The following GAGE10 variants were observed in gnomAD, a reference collection of about 807,000 sequenced individuals.
GAGE10 encodes G antigen 10.
A neutral mutation model predicts 11.5 loss-of-function variants in GAGE10; 9 were observed. The observed-to-expected ratio is 0.78, with a 90% CI of 0.47 to 1.37. The LOEUF (loss-of-function observed/expected upper bound fraction) is 1.37. Ranked by LOEUF, GAGE10 falls within the 40% of genes most tolerant of loss-of-function variation. The probability of loss-of-function intolerance (pLI) is 0.00; values close to 1 mark genes in which losing one functional copy is unlikely to be tolerated. For synonymous variants in GAGE10, 23 were observed against 29.7 expected, an observed-to-expected ratio of 0.77 and a Z score of 0.73; for missense variants, 83 against 92.9, an observed-to-expected ratio of 0.89 and a Z score of 0.44.
At chrX:49,307,440 A>G (rs2066361308) in intron 3 of GAGE10, among the ~76,000 whole-genome samples, 1 of 110,179 alleles carries the variant, frequency 9.1e-6, no homozygotes, top group African/African-American at 3.3e-5. Context: ...GTGTATACTC[A>G]AATTTCGCCA....
intron 2 of GAGE10, 124 bp downstream of exon 2, chrX:49,305,064 G>A (rs1196615386): frequency 1.8e-4 from 175 of 996,233 alleles, no homozygotes; most frequent in African/African-American, 4.0e-4. Context: ...TGATGATGGC[G>A]TCTCATGAAG....
At chrX:49,310,180 A>G (rs1375400503) in intron 3 of GAGE10, among the ~76,000 whole-genome samples, 4 of 111,897 alleles carry the variant, frequency 3.6e-5, no homozygotes, top group African/African-American at 1.3e-4. Flanking sequence ...AGTCAGGGCC[A>G]AGGAGATATT....
At chrX:49,317,890 T>G (rs1395776748) in intron 4 of GAGE10, among the ~76,000 whole-genome samples, 2 of 78,123 alleles carry the variant, frequency 2.6e-5, no homozygotes, top group African/African-American at 9.5e-5. Context: ...ACATAACACG[T>G]TTGTAACACC....
At chrX:49,310,478 A>T (rs782222451) in intron 3 of GAGE10, among the ~76,000 whole-genome samples, 4 of 111,651 alleles carry the variant, frequency 3.6e-5, no homozygotes, top group Non-Finnish European at 7.5e-5. Context: ...GTGCAAAAGG[A>T]AAGGACACTA....
chrX:49,311,775 G>A (rs1483357317), intron 3 of GAGE10, among the ~76,000 whole-genome samples: 2 of 111,921 alleles, frequency 1.8e-5, no homozygotes, highest in African/African-American at 3.2e-5. Context: ...GACATTGGCC[G>A]GTAGCATACT....
intron 4 of GAGE10, among the ~76,000 whole-genome samples, chrX:49,319,506 A>G (rs2066408034): frequency 8.7e-6 from 1 of 114,837 alleles, no homozygotes; most frequent in Non-Finnish European, 1.9e-5. Context: ...ACTTGAAAGG[A>G]AGCACTTGAT....
Position 49,317,193 on chromosome X carries a change from A to G in GAGE10, c.233A>G (p.Gln78Arg). 8.3e-7 allele frequency: 1 copy of G among 1,206,721 alleles called. No homozygotes were observed. Among genetic ancestry groups the G allele is most frequent in the Non-Finnish European group, 1.1e-6 (1 of 892,032 alleles). Reference protein sequence around the residue: ...GPKPEADSQEQVHPKTGCECG... With the variant: ...GPKPEADSQERVHPKTGCECG... ...AAGCCTGAAGCTGATAGCCAGGAACAGGTTCACCCAAAGACTGGGTGTGAG... is the reference window on the plus strand; with the variant it reads ...AAGCCTGAAGCTGATAGCCAGGAACGGGTTCACCCAAAGACTGGGTGTGAG... Residue 78 changes from glutamine (Q) to arginine (R), a missense_variant, in exon 4 of 5, where the codon CAG (glutamine) becomes CGG (arginine). Around this residue, in one of 3 missense-constraint regions of GAGE10, gnomAD observed 66 missense variants for 35.4 expected, o/e 1.87. Coordinates refer to ENST00000407599, the MANE Select transcript of GAGE10 (RefSeq NM_001098413.4).
intron 3 of GAGE10, among the ~76,000 whole-genome samples, chrX:49,316,616 T>C (rs1557125263): frequency 8.9e-6 from 1 of 112,196 alleles, no homozygotes; most frequent in African/African-American, 3.2e-5. Context: ...CAGGATCACA[T>C]CTTGCATGTG....
rs782122141 is a variant in GAGE10, at chrX:49,305,454, A to G, written c.132A>G (p.Glu44=). The change falls in exon 3 of 5, where the codon GAA becomes GAG. Residue 44 remains glutamate, a synonymous_variant. Transcript: ENST00000407599. ...EVEPATPEEG[E]PATQRQDPAA... is the part of the protein sequence containing the mutation. ...AACCAGCAACACCTGAAGAAGGGGAACCAGCAACTCAACGTCAGGATCCTG... is the reference window on the plus strand; with the variant it reads ...AACCAGCAACACCTGAAGAAGGGGAGCCAGCAACTCAACGTCAGGATCCTG... The G allele has an allele frequency of 8.5e-7, 1 of 1,180,733 alleles. No individual in the cohort carries two copies. Among genetic ancestry groups the G allele is most frequent in the Admixed American group, 2.3e-5 (1 of 44,373 alleles).
intron 3 of GAGE10, among the ~76,000 whole-genome samples, chrX:49,309,673 G>A (rs1337214292): frequency 2.7e-5 from 3 of 112,002 alleles, no homozygotes; most frequent in Non-Finnish European, 5.6e-5. Flanking sequence ...TCTGAGGAAG[G>A]AGAAAACTGG....
chrX:49,314,659 G>A (rs1262165983), intron 3 of GAGE10, among the ~76,000 whole-genome samples: 4 of 112,011 alleles, frequency 3.6e-5, no homozygotes, highest in East Asian at 2.8e-4. Flanking sequence ...CCGCAATTTC[G>A]GGTCCGTAAG....
chrX:49,306,311 T>C (rs1311399941), intron 3 of GAGE10, among the ~76,000 whole-genome samples: 1 of 112,236 alleles, frequency 8.9e-6, no homozygotes, highest in East Asian at 2.8e-4. Flanking sequence ...TTAATTGCTG[T>C]CCTCCCACTC....
chrX:49,313,240 A>G (rs1430539286), intron 3 of GAGE10, among the ~76,000 whole-genome samples: 1 of 112,196 alleles, frequency 8.9e-6, no homozygotes, highest in African/African-American at 3.2e-5. Context: ...GAAACTGCAC[A>G]CAGCCTACTC....
intron 3 of GAGE10, among the ~76,000 whole-genome samples, chrX:49,308,237 G>A (rs782448516): frequency 6.3e-5 from 7 of 111,819 alleles, no homozygotes; most frequent in Admixed American, 1.9e-4. Flanking sequence ...TCAACCCCTC[G>A]GTCTCTCTGA....
intron 3 of GAGE10, among the ~76,000 whole-genome samples, chrX:49,310,756 C>G (rs1305715420): frequency 9.1e-6 from 1 of 109,613 alleles, no homozygotes; most frequent in Non-Finnish European, 1.9e-5. Context: ...CCCGATTAGC[C>G]CCCCCCCACA....
At chrX:49,316,171 T>C (rs1557125202) in intron 3 of GAGE10, among the ~76,000 whole-genome samples, 3 of 111,973 alleles carry the variant, frequency 2.7e-5, no homozygotes, top group Non-Finnish European at 5.6e-5. Context: ...TAACTGCCTG[T>C]TTTTCCTTCT....
rs782461131 is a variant in GAGE10 at position 49,317,251 on chromosome X, C to T, written c.291C>T (p.Gly97=). ...ATGGTCCTGATGGCCAGGAGATGGG[C>T]CTGCCAAATCCAGAGGAGGTGAAAA... ...CGDGPDGQEM[G]LPNPEEVKRP... Residue 97 remains glycine (G), a synonymous_variant, in exon 4 of 5, where the codon GGC becomes GGT. Coordinates refer to ENST00000407599, the MANE Select transcript of GAGE10 (RefSeq NM_001098413.4). The T allele has an allele frequency of 3.1e-5, 37 of 1,205,521 alleles. No individual in the cohort carries two copies. The South Asian group carries it at 6.2e-4, about 20-fold the overall frequency.
chrX:49,313,637 G>T (rs1433148585), intron 3 of GAGE10, among the ~76,000 whole-genome samples: 3 of 111,639 alleles, frequency 2.7e-5, no homozygotes, highest in Non-Finnish European at 5.6e-5. Flanking sequence ...ACAACCTTGG[G>T]GCCCTTATGG....
chrX:49,306,392 T>TCACGGGG (rs2066356983), intron 3 of GAGE10, among the ~76,000 whole-genome samples: 1 of 111,925 alleles, frequency 8.9e-6, no homozygotes, highest in South Asian at 3.7e-4. Flanking sequence ...GCTTTGTTCT[T>TCACGGGG]CACGGGGTTC....
Sources: gnomAD v4.1 joint callset for allele counts (sites outside exome capture counted in the v4.1 genomes callset) on GRCh38, gnomAD v4.1.1 for gene constraint, gnomAD v4.1.1 regional missense constraint, MANE v1.5 for transcripts, NCBI Gene and HGNC (gene_info 2026-07-23, HGNC 2026-07-21) for gene names.